KCTD2: variants seen among roughly 807,000 people sequenced by gnomAD.
KCTD2 encodes the protein BTB/POZ domain-containing protein KCTD2.
A neutral mutation model predicts 27.9 loss-of-function variants in KCTD2; 18 were observed. The observed-to-expected ratio is 0.64, with a 90% CI of 0.45 to 0.96. The LOEUF is 0.96. Among genes scored for constraint, KCTD2 ranks in the 40% least tolerant of loss-of-function variants. The probability of loss-of-function intolerance (pLI) is 0.00; values close to 1 mark genes in which losing one functional copy is unlikely to be tolerated. For synonymous variants in KCTD2, 175 were observed against 148.4 expected (o/e 1.18, Z -1.30); for missense variants, 280 against 348.0 (o/e 0.80, Z 1.56).
At chr17:75,058,763 A>G (rs1334587944) in intron 3 of KCTD2, among the ~76,000 whole-genome samples, 1 of 150,704 alleles carries the variant, frequency 6.6e-6, no homozygotes, top group Non-Finnish European at 1.5e-5. Flanking sequence ...GCGCCACTGT[A>G]CTCCAGCCTG....
upstream of KCTD2, among the ~76,000 whole-genome samples, chr17:75,044,441 A>G (rs2073192174): frequency 8.7e-6 from 1 of 114,306 alleles, no homozygotes; most frequent in Non-Finnish European, 1.6e-5. Context: ...TCCTGACCTC[A>G]TGATCCACCC....
chr17:75,039,308 G>A (rs778083795), intron 3 of KCTD2: 26 of 1,590,260 alleles, frequency 1.6e-5, no homozygotes, highest in South Asian at 1.1e-4. Context: ...CTGAAACCAG[G>A]CTGCATTCTA....
chr17:75,039,173 C>G (rs1439470873), intron 3 of KCTD2: 1 of 1,613,354 alleles, frequency 6.2e-7, no homozygotes, highest in Non-Finnish European at 8.5e-7. Context: ...AAAGAGAGAA[C>G]CCATATTATA....
rs192209354 is a variant in KCTD2 at position 75,047,922 on chromosome 17, T to A, written c.339+333T>A. 9.1e-3 allele frequency among the ~76,000 whole-genome samples: 1,375 copies of A among 151,904 alleles called. 8 individuals carry two copies. Among genetic ancestry groups the A allele is most frequent in the Non-Finnish European group, 0.014 (925 of 67,944 alleles). ...GACATCCCACTGAGATCTGCATGAGTTTTCCCTGGCTCCTCTTCAGTCCCC... is the reference window on the plus strand; with the variant it reads ...GACATCCCACTGAGATCTGCATGAGATTTCCCTGGCTCCTCTTCAGTCCCC... On this transcript the variant is annotated intron_variant, in intron 1 of 5. Coordinates refer to ENST00000322444, the MANE Select transcript of KCTD2 (RefSeq NM_015353.3).
intron 3 of KCTD2, chr17:75,039,366 C>A: frequency 9.0e-7 from 1 of 1,108,194 alleles, no homozygotes; most frequent in Non-Finnish European, 1.4e-6. Context: ...CTCCTGCTGT[C>A]CTATTGCTCT....
upstream of KCTD2, among the ~76,000 whole-genome samples, chr17:75,046,337 C>T (rs967415000): frequency 6.6e-5 from 10 of 152,206 alleles, no homozygotes; most frequent in Non-Finnish European, 1.3e-4. Flanking sequence ...CCGCCTTGGC[C>T]TCCTAAAATT....
chr17:75,051,075 G>A (rs1163602001), intron 2 of KCTD2, among the ~76,000 whole-genome samples: 4 of 150,502 alleles, frequency 2.7e-5, no homozygotes, highest in Non-Finnish European at 4.4e-5. Flanking sequence ...CCAGGTTCAC[G>A]TCATTCTCCT....
At chr17:75,041,330 G>A (rs1205722887) in intron 3 of KCTD2, 1 of 144,304 alleles carries the variant, frequency 6.9e-6, no homozygotes, top group Non-Finnish European at 1.5e-5. Flanking sequence ...ACTCCAACCT[G>A]AGTGACAGAG....
chr17:75,052,938 T>TA (rs923348266), intron 2 of KCTD2, 76 bp from the exon 3 acceptor site: 1 of 1,037,878 alleles, frequency 9.6e-7, no homozygotes, highest in African/African-American at 1.6e-5. Context: ...AGCAAGCATG[T>TA]AACCTTCATC....
chr17:75,059,505 T>C lies in KCTD2; in HGVS notation c.541-5T>C. 1 of 1,610,882 alleles carries C rather than the reference T, an allele frequency of 6.2e-7. No homozygotes were observed. The highest frequency in any genetic ancestry group is 8.5e-7 in the Non-Finnish European group (1 of 1,177,910). On this transcript the variant is annotated splice_region_variant and splice_polypyrimidine_tract_variant and intron_variant, in intron 3 of 5. Transcript: ENST00000322444. Reference sequence around the variant, plus strand: ...CTGTTCTCAGTCTGCGCCTGGTCATTGCAGGGCCCCGTGAAGCACGTGTAC... The same window carrying C: ...CTGTTCTCAGTCTGCGCCTGGTCATCGCAGGGCCCCGTGAAGCACGTGTAC...
chr17:75,038,819 G>C (rs2073127925), intron 3 of KCTD2: 1 of 1,273,526 alleles, frequency 7.9e-7, no homozygotes, highest in South Asian at 1.6e-5. Flanking sequence ...GCTCAGAAGA[G>C]AGGCTTAATT....
At chr17:75,034,512 A>G (rs541810983) in intron 2 of KCTD2, among the ~76,000 whole-genome samples, 34 of 152,262 alleles carry the variant, frequency 2.2e-4, no homozygotes, top group South Asian at 4.1e-4. Flanking sequence ...GCGCGGTAAG[A>G]CGCTAAACCC....
chr17:75,037,382 AC>A (rs2073114754), intron 3 of KCTD2, among the ~76,000 whole-genome samples: 1 of 151,348 alleles, frequency 6.6e-6, no homozygotes, highest in South Asian at 2.1e-4. Context: ...CAGAAATGTC[AC>A]AAGTCTCCCC....
chr17:75,035,967 A>ACT (rs1430768018), intron 3 of KCTD2: 2 of 434,008 alleles, frequency 4.6e-6, no homozygotes, highest in South Asian at 1.7e-5. Flanking sequence ...CCACCCCACT[A>ACT]CTCTGTGCTT....
At chr17:75,053,884 T>TTTTTTTG (rs2073320829) in intron 3 of KCTD2, among the ~76,000 whole-genome samples, 1 of 141,790 alleles carries the variant, frequency 7.1e-6, no homozygotes, top group African/African-American at 2.7e-5. Context: ...TTTTTTTTTT[T>TTTTTTTG]GAGACAGAGT....
chr17:75,048,972 A>C (rs971952954), intron 1 of KCTD2: 1 of 332,366 alleles, frequency 3.0e-6, no homozygotes. Context: ...GTAAACGCCT[A>C]AATGAGTATG....
intron 3 of KCTD2, among the ~76,000 whole-genome samples, chr17:75,037,882 T>C (rs1358005701): frequency 6.6e-6 from 1 of 151,880 alleles, no homozygotes; most frequent in Non-Finnish European, 1.5e-5. Context: ...ACCCCGTCTC[T>C]ACTAAAAATA....
intron 3 of KCTD2, among the ~76,000 whole-genome samples, chr17:75,054,130 A>G (rs944119484): frequency 2.7e-5 from 4 of 150,838 alleles, no homozygotes; most frequent in Non-Finnish European, 4.4e-5. Context: ...TGATTTTCCT[A>G]CCTCAGCCTA....
intron 3 of KCTD2, chr17:75,041,001 T>G (rs866862667): frequency 2.6e-5 from 4 of 151,880 alleles, no homozygotes; most frequent in Non-Finnish European, 4.4e-5. Context: ...CTCTGGATAT[T>G]GAGACTTGTG....
Sources: gnomAD v4.1 joint callset for allele counts (sites outside exome capture counted in the v4.1 genomes callset) on GRCh38, gnomAD v4.1.1 for gene constraint, MANE v1.5 for transcripts, NCBI Gene and HGNC (gene_info 2026-07-23, HGNC 2026-07-21) for gene names.